Variants in HAUS7 observed in about 807,000 individuals in gnomAD.
HAUS7 encodes the protein HAUS augmin-like complex subunit 7.
A neutral mutation model predicts 28.4 loss-of-function variants in HAUS7; 3 were observed. The ratio of observed to expected loss-of-function variants is 0.11; its 90% CI spans 0.05 to 0.27. The LOEUF (loss-of-function observed/expected upper bound fraction) is 0.27. Ranked by LOEUF, HAUS7 falls within the 10% of genes least tolerant of loss-of-function variation. The probability of loss-of-function intolerance (pLI) is 1.00; values close to 1 mark genes in which losing one functional copy is unlikely to be tolerated. For synonymous variants in HAUS7, 165 were observed against 132.1 expected, an observed-to-expected ratio of 1.25 and a Z score of -1.71; for missense variants, 284 against 297.3, an observed-to-expected ratio of 0.96 and a Z score of 0.33.
chrX:153,477,860 G>A (rs1243999648), intron 1 of HAUS7, among the ~76,000 whole-genome samples: 2 of 112,320 alleles, frequency 1.8e-5, no homozygotes, highest in Non-Finnish European at 3.8e-5. Context: ...TGGCTCCTAC[G>A]GGACTGTTAG....
At chrX:153,474,390 C>CCACCATCGCCAT (rs2089548295), upstream of HAUS7, among the ~76,000 whole-genome samples, 1 of 111,900 alleles carries the variant, frequency 8.9e-6, no homozygotes, top group Non-Finnish European at 1.9e-5. Context: ...CAGCATGGTA[C>CCACCATCGCCAT]CACCATCGCC....
intron 3 of HAUS7, 46 bp downstream of exon 3, chrX:153,464,942 T>C (rs782656527): frequency 3.4e-6 from 3 of 894,889 alleles, no homozygotes. Flanking sequence ...CACCACTCCA[T>C]AAGGAGGCTG....
chrX:153,491,343 T>C (rs782315577), intron 1 of HAUS7, among the ~76,000 whole-genome samples: 1 of 112,567 alleles, frequency 8.9e-6, no homozygotes, highest in African/African-American at 3.2e-5. Context: ...CCTGCTTCTC[T>C]CCTGGGCCTC....
At chrX:153,457,693 T>C (rs2089333535) in intron 4 of HAUS7, among the ~76,000 whole-genome samples, 1 of 112,991 alleles carries the variant, frequency 8.9e-6, no homozygotes, top group Non-Finnish European at 1.9e-5. Flanking sequence ...GGGACTGGCG[T>C]TCCAGCCCGG....
At chrX:153,486,514 G>T in intron 1 of HAUS7, 1 of 578,277 alleles carries the variant, frequency 1.7e-6, no homozygotes. Context: ...TTCCGATTCT[G>T]TGGCTCGGTC....
At chrX:153,486,002 C>A (rs1556988458) in intron 1 of HAUS7, 1 of 979,993 alleles carries the variant, frequency 1.0e-6, no homozygotes, top group East Asian at 7.6e-5. Context: ...GCTGGCGGAG[C>A]TGCTCCTGGA....
intron 1 of HAUS7, among the ~76,000 whole-genome samples, chrX:153,492,342 G>T (rs1314500181): frequency 4.5e-5 from 5 of 111,958 alleles, no homozygotes; most frequent in African/African-American, 1.6e-4. Flanking sequence ...GAAGGGGGAG[G>T]CCCTAGGACT....
At chrX:153,451,200 T>C (rs184410299) in intron 9 of HAUS7, among the ~76,000 whole-genome samples, 2 of 112,288 alleles carry the variant, frequency 1.8e-5, no homozygotes, top group East Asian at 5.6e-4. Flanking sequence ...GATACTACAC[T>C]TGATCTTAGC....
At chrX:153,489,468 G>A in intron 1 of HAUS7, among the ~76,000 whole-genome samples, 2 of 112,923 alleles carry the variant, frequency 1.8e-5, no homozygotes, top group Middle Eastern at 4.6e-3. Flanking sequence ...CCAAAATGCT[G>A]GGCATCTGAG....
intron 6 of HAUS7, 51 bp downstream of exon 6, chrX:153,456,442 G>T: frequency 8.5e-7 from 1 of 1,175,338 alleles, no homozygotes; most frequent in Non-Finnish European, 1.2e-6. Flanking sequence ...GCAGCCTGGG[G>T]CTGGGACAGG....
chrX:153,488,215 A>T (rs1344709267), intron 1 of HAUS7, among the ~76,000 whole-genome samples: 3 of 111,768 alleles, frequency 2.7e-5, no homozygotes, highest in Non-Finnish European at 5.7e-5. Context: ...TCGCTATCCC[A>T]CCCCATCACC....
chrX:153,452,187 TGAA>T (rs2089247515), intron 9 of HAUS7, among the ~76,000 whole-genome samples: 1 of 111,871 alleles, frequency 8.9e-6, no homozygotes, highest in Non-Finnish European at 1.9e-5. Context: ...CCTTCAAAGA[TGAA>T]GGAGAAATGA....
Position 153,480,542 on chromosome X carries a change from G to C in HAUS7, c.-588-9397C>G, listed in dbSNP as rs1232719944. On this transcript the variant is annotated intron_variant, in intron 1 of 5. Coordinates refer to the HAUS7 transcript ENST00000370210. ...GCAGCTGACAGCCCCTTGGGGAAAG[G>C]AGGCAAGGCCCCCAGCCCACACTGG... 5.3e-6 allele frequency: 4 copies of C among 748,688 alleles called. No homozygotes were observed. The African/African-American group carries it at 9.2e-5, about 17-fold the overall frequency. 61.7% of individuals were successfully genotyped at this position (748,688 alleles called of 1,213,427 possible). A position where few individuals can be genotyped will look rare whatever the true frequency, so the allele number is the denominator to read the frequency against.
chrX:153,466,885 G>A (rs1280356401), intron 2 of HAUS7, among the ~76,000 whole-genome samples: 5 of 112,206 alleles, frequency 4.5e-5, no homozygotes, highest in Non-Finnish European at 9.4e-5. Context: ...TTCAGATTAG[G>A]GACACTCGAC....
In HAUS7 at chrX:153,456,976, G is replaced by A. The variant is rs782301841; in HGVS notation, c.446+161C>T. On this transcript the variant is annotated intron_variant, in intron 5 of 9. Coordinates refer to ENST00000370211, the MANE Select transcript of HAUS7 (RefSeq NM_001385482.1). ...CTTGGGACACAGCTGCCCCTTGCCC[G>A]TATGCTGCCCGGCCCCTGATTGGCC... The A allele has an allele frequency of 4.1e-4, 187 of 460,929 alleles. 1 individual carries two copies. The African/African-American group carries it at 4.1e-3, about 10-fold the overall frequency. 38.0% of individuals were successfully genotyped at this position (460,929 alleles called of 1,213,427 possible).
At position 153,488,671 on chromosome X, in the gene HAUS7, G is replaced by A. The variant is rs1368319559; in HGVS notation, c.-589+6703C>T. ...CTGGCCCCACTCTCCCAGCTCTCAC[G>A]ACCCCTCCTCCCTGCCTGGCCGCCC... On this transcript the variant is annotated intron_variant, in intron 1 of 5. Transcript: ENST00000370210. Among the ~76,000 whole-genome samples the A allele has an allele frequency of 5.3e-5, 6 of 112,451 alleles. No homozygotes were observed. In the East Asian group the frequency reaches 1.7e-3, roughly 32 times the overall value.
upstream of HAUS7, among the ~76,000 whole-genome samples, chrX:153,473,078 G>A (rs1385075039): frequency 8.9e-6 from 1 of 112,140 alleles, no homozygotes; most frequent in African/African-American, 3.2e-5. Flanking sequence ...CAGTTTGTGT[G>A]GTGGGCCCAG....
At chrX:153,475,089 C>T (rs983977389), upstream of HAUS7, among the ~76,000 whole-genome samples, 1 of 112,662 alleles carries the variant, frequency 8.9e-6, no homozygotes, top group Admixed American at 9.2e-5. Flanking sequence ...GCCCAACCTC[C>T]GTTCCCTGCC....
At chrX:153,480,518 C>T (rs1235916673) in intron 1 of HAUS7, 1 of 705,685 alleles carries the variant, frequency 1.4e-6, no homozygotes, top group Non-Finnish European at 1.7e-6. Flanking sequence ...GGCTTTCTAG[C>T]AGCTGACAGC....
Sources: gnomAD v4.1 joint callset for allele counts (sites outside exome capture counted in the v4.1 genomes callset) on GRCh38, gnomAD v4.1.1 for gene constraint, MANE v1.5 for transcripts, NCBI Gene and HGNC (gene_info 2026-07-23, HGNC 2026-07-21) for gene names.